Variants in ESPN observed in about 807,000 individuals in gnomAD.
ESPN encodes the protein autosomal recessive deafness type 36 protein.
A neutral mutation model predicts 77.7 loss-of-function variants in ESPN; 68 were observed. The ratio of observed to expected loss-of-function variants is 0.87; its 90% CI spans 0.72 to 1.07. The LOEUF (loss-of-function observed/expected upper bound fraction) is 1.07. Ranked by LOEUF, ESPN falls within the 50% of genes least tolerant of loss-of-function variation. The pLI, the probability that ESPN is intolerant of heterozygous loss-of-function variation, is 0.00. For synonymous variants in ESPN, 449 were observed against 567.1 expected, an observed-to-expected ratio of 0.79 and a Z score of 2.96; for missense variants, 1,060 against 1,239.0, an observed-to-expected ratio of 0.86 and a Z score of 2.17.
chr1:6,457,236 T>G lies in ESPN; in HGVS notation c.2378T>G (p.Leu793Arg), dbSNP rs536912280. Residue 793 changes from leucine (L) to arginine (R), a missense_variant, in exon 11 of 13, where the codon CTC becomes CGC. Physicochemically the swap from Leu to Arg is moderately radical, Grantham distance 102. This residue lies in a region of ESPN where 374 missense variants were observed against 381.4 expected (regional missense o/e 0.98). Transcript: ENST00000645284. Reference sequence around the variant, plus strand: ...AGCATGCCCGCCTGGAGGCGGGACCTCCTGCGGAAGAAGCTGGAAGAAGAG... The same window carrying G: ...AGCATGCCCGCCTGGAGGCGGGACCGCCTGCGGAAGAAGCTGGAAGAAGAG... ...LASMPAWRRD[L>R]LRKKLEEERE... 1 of 1,613,654 alleles carries G rather than the reference T, an allele frequency of 6.2e-7. No individual in the cohort carries two copies. The highest frequency in any genetic ancestry group is 1.7e-5 in the Admixed American group (1 of 59,980).
In ESPN at chr1:6,444,549, C is replaced by T. The variant is rs1315545566; in HGVS notation, c.1059C>T (p.Gly353=). The change falls in exon 6 of 13, where the codon GGC becomes GGT. Residue 353 remains glycine, a synonymous_variant. Coordinates refer to ENST00000645284, the MANE Select transcript of ESPN (RefSeq NM_031475.3). ...AELEAKQPDS[G]MSSPNTTVSV... Reference sequence around the variant, plus strand: ...TGGAGGCTAAGCAGCCGGATTCAGGCATGTCCTCACCCAATACCACGGTGT... The same window carrying T: ...TGGAGGCTAAGCAGCCGGATTCAGGTATGTCCTCACCCAATACCACGGTGT... 1.2e-6 allele frequency: 2 copies of T among 1,614,122 alleles called. No homozygotes were observed. The highest frequency in any genetic ancestry group is 1.3e-5 in the African/African-American group (1 of 74,946).
intron 2 of ESPN, among the ~76,000 whole-genome samples, chr1:6,435,694 G>A (rs917038524): frequency 1.3e-5 from 2 of 152,188 alleles, no homozygotes; most frequent in African/African-American, 2.4e-5. Flanking sequence ...TCCCCTCTAG[G>A]TAGTGTTCCC....
At chr1:6,438,327 C>T (rs753102431) in intron 2 of ESPN, among the ~76,000 whole-genome samples, 4 of 152,344 alleles carry the variant, frequency 2.6e-5, no homozygotes, top group African/African-American at 7.2e-5. Flanking sequence ...AATGGCTGTG[C>T]GCCAGGCACC....
rs1557708109 is a variant in ESPN at position 6,445,766 on chromosome 1, C to T, written c.1295C>T (p.Pro432Leu). Reference protein sequence around the residue: ...RGTIGKPTPPPPPPSFPPPPP... With the variant: ...RGTIGKPTPPLPPPSFPPPPP... Reference sequence around the variant, plus strand: ...ACGATTGGGAAGCCCACACCCCCACCACCCCCACCCAGCTTCCCCCCGCCA... The same window carrying T: ...ACGATTGGGAAGCCCACACCCCCACTACCCCCACCCAGCTTCCCCCCGCCA... The change falls in exon 7 of 13, where the codon CCA becomes CTA. Residue 432 changes from proline (P) to leucine (L), a missense_variant. Physicochemically the swap from Pro to Leu is moderately conservative, Grantham distance 98 (BLOSUM62 -3). Transcript: ENST00000645284. 6.7e-7 allele frequency: 1 copy of T among 1,484,464 alleles called. No individual in the cohort carries two copies. The highest frequency in any genetic ancestry group is 2.0e-5 in the Admixed American group (1 of 51,222). The allele number at this position is 1,484,464 out of a possible 1,614,324, so 92.0% of individuals were successfully genotyped here.
In ESPN at chr1:6,451,562, G is replaced by A. The variant is rs760707808; in HGVS notation, c.1916-41G>A. 6.2e-7 allele frequency: 1 copy of A among 1,602,382 alleles called. No homozygotes were observed. The highest frequency in any genetic ancestry group is 8.5e-7 in the Non-Finnish European group (1 of 1,174,418). ...GCGGGTGAGGGGTGGCGGGGATGCAGCCCCACCCTGGCCAGTGCCTCATCT... is the reference window on the plus strand; with the variant it reads ...GCGGGTGAGGGGTGGCGGGGATGCAACCCCACCCTGGCCAGTGCCTCATCT... On this transcript the variant is annotated intron_variant, in intron 8 of 12. Coordinates refer to ENST00000645284, the MANE Select transcript of ESPN (RefSeq NM_031475.3). The surrounding 1 kb of genome is among the most constrained non-coding windows in gnomAD (Gnocchi z 4.3).
chr1:6,460,036 C>T lies in ESPN; in HGVS notation c.2455C>T (p.Arg819Trp), dbSNP rs750909554. 19 of 1,613,540 alleles carry T rather than the reference C, an allele frequency of 1.2e-5. No homozygotes were observed. The South Asian group carries it at 1.6e-4, about 14-fold the overall frequency. The change falls in exon 13 of 13, where the codon CGG (arginine) becomes TGG (tryptophan). Residue 819 changes from arginine to tryptophan, a missense_variant. Arg to Trp is a moderately radical substitution (Grantham distance 101). Around this residue, in one of 3 missense-constraint regions of ESPN, gnomAD observed 374 missense variants for 381.4 expected, o/e 0.98. Coordinates refer to ENST00000645284, the MANE Select transcript of ESPN (RefSeq NM_031475.3). ...EERQKQEELR[R>W]EKEQSEKLRT... The stretch of plus-strand genomic sequence containing the variant: ...GCGACAGAAGCAGGAGGAGCTGCGG[C>T]GGGAGAAGGAACAGTCAGAGAAGCT...
chr1:6,448,660 A>T lies in ESPN; in HGVS notation c.1484A>T (p.His495Leu). The T allele has an allele frequency of 1.3e-6, 2 of 1,561,950 alleles. No individual in the cohort carries two copies. The highest frequency in any genetic ancestry group is 1.7e-6 in the Non-Finnish European group (2 of 1,165,264). The change falls in exon 8 of 13, where the codon CAC (histidine) becomes CTC (leucine). Residue 495 changes from histidine (H) to leucine (L), a missense_variant. This residue lies in a region of ESPN where 130 missense variants were observed against 223.9 expected (regional missense o/e 0.58). Coordinates refer to ENST00000645284, the MANE Select transcript of ESPN (RefSeq NM_031475.3). ...CCGCAGCTGAGCTCCTGTGACGGCCACGACGGGCTGCGGAGGCAGGACTCC... is the reference window on the plus strand; with the variant it reads ...CCGCAGCTGAGCTCCTGTGACGGCCTCGACGGGCTGCGGAGGCAGGACTCC... ...LKKELSSCDG[H>L]DGLRRQDSSR...
intron 1 of ESPN, among the ~76,000 whole-genome samples, chr1:6,426,726 C>T (rs1175767951): frequency 6.6e-6 from 1 of 152,148 alleles, no homozygotes; most frequent in African/African-American, 2.4e-5. Flanking sequence ...GAAGGGAGCG[C>T]CTTTCTCAGG....
In ESPN at chr1:6,445,484, G is replaced by C; in HGVS notation, c.1193-180G>C. 5.7e-6 allele frequency: 4 copies of C among 702,252 alleles called. No homozygotes were observed. The South Asian group carries it at 6.6e-5, about 12-fold the overall frequency. 43.5% of individuals were successfully genotyped at this position (702,252 alleles called of 1,614,324 possible). ...TTCCCCCAGTAAGTGCTGGGCTGGGGCAGGGTAGGGCCAGGGAGGGGAAGC... is the reference window on the plus strand; with the variant it reads ...TTCCCCCAGTAAGTGCTGGGCTGGGCCAGGGTAGGGCCAGGGAGGGGAAGC... On this transcript the variant is annotated intron_variant, in intron 6 of 12. Coordinates refer to ENST00000645284, the MANE Select transcript of ESPN (RefSeq NM_031475.3).
intron 12 of ESPN, among the ~76,000 whole-genome samples, chr1:6,457,714 A>G (rs1644081121): frequency 6.6e-6 from 1 of 152,244 alleles, no homozygotes; most frequent in African/African-American, 2.4e-5. Flanking sequence ...TGAGAGCCAC[A>G]GATGTAATTT....
Position 6,452,094 on chromosome 1 carries a change from A to C in ESPN, c.2323A>C (p.Lys775Gln). 6.5e-7 allele frequency: 1 copy of C among 1,541,910 alleles called. No individual in the cohort carries two copies. Among genetic ancestry groups the C allele is most frequent in the Non-Finnish European group, 8.7e-7 (1 of 1,144,190 alleles). The change falls in exon 10 of 13, where the codon AAG (lysine) becomes CAG (glutamine). Residue 775 changes from lysine to glutamine, a missense_variant and splice_region_variant. Lys to Gln is a moderately conservative substitution (Grantham distance 53). Around this residue, in one of 3 missense-constraint regions of ESPN, gnomAD observed 374 missense variants for 381.4 expected, o/e 0.98. Coordinates refer to ENST00000645284, the MANE Select transcript of ESPN (RefSeq NM_031475.3). Reference protein sequence around the residue: ...KMQEEEEQRRKEEEEEARLAS... With the variant: ...KMQEEEEQRRQEEEEEARLAS... The stretch of plus-strand genomic sequence containing the variant: ...GCAGGAGGAGGAGGAGCAGAGGCGG[A>C]AGGTGGGTGGGGCGGGGTGCCCAGG...
chr1:6,449,904 G>A (rs985428322), intron 8 of ESPN, among the ~76,000 whole-genome samples: 6 of 152,106 alleles, frequency 3.9e-5, no homozygotes, highest in Non-Finnish European at 5.9e-5. Flanking sequence ...GCCACTCAGG[G>A]CAGAGATCAT....
chr1:6,442,737 G>C (rs975406764), intron 5 of ESPN, among the ~76,000 whole-genome samples: 5 of 144,072 alleles, frequency 3.5e-5, no homozygotes, highest in Admixed American at 7.0e-5. Flanking sequence ...GCATGGTGGT[G>C]GGTGCCTGTT....
chr1:6,428,255 G>A lies in ESPN; in HGVS notation c.324G>A (p.Leu108=). 6.2e-7 allele frequency: 1 copy of A among 1,613,586 alleles called. No individual in the cohort carries two copies. ...QDKDNSGATV[L]HLAARFGHPE... ...AAGACAATTCTGGTGCCACAGTCTT[G>A]CATCTGGCTGCCCGCTTCGGCCACC... is the stretch of plus-strand genomic sequence containing the variant. Residue 108 remains leucine (L), a synonymous_variant, in exon 2 of 13, where the codon TTG becomes TTA. Transcript: ENST00000645284. The surrounding 1 kb of genome is among the most constrained non-coding windows in gnomAD (Gnocchi z 5.4).
Position 6,460,270 on chromosome 1 carries a change from TCCCTGACCCCCA to T in ESPN, c.*130_*141del. ...CCCTCCCCTCCTGCGCTGGAAACCC[TCCCTGACCCCCA>T]CCCTGGCCCCCCGTATCCCCAGCCC... On this transcript the variant is annotated 3_prime_UTR_variant, in exon 13 of 13. Transcript: ENST00000645284. 8.0e-7 allele frequency: 1 copy of T among 1,250,350 alleles called. No individual in the cohort carries two copies. Among genetic ancestry groups the T allele is most frequent in the Non-Finnish European group, 1.1e-6 (1 of 911,982 alleles). The allele number at this position is 1,250,350 out of a possible 1,614,324, so 77.5% of individuals were successfully genotyped here. A position where few individuals can be genotyped will look rare whatever the true frequency, so the allele number is the denominator to read the frequency against.
chr1:6,453,292 C>T (rs999025291), intron 10 of ESPN, among the ~76,000 whole-genome samples: 10 of 152,262 alleles, frequency 6.6e-5, no homozygotes, highest in African/African-American at 2.2e-4. Context: ...GACATGTGTG[C>T]GAGTCACCAA....
intron 2 of ESPN, among the ~76,000 whole-genome samples, chr1:6,431,048 C>A (rs975092391): frequency 2.0e-5 from 3 of 152,216 alleles, no homozygotes; most frequent in Non-Finnish European, 4.4e-5. Flanking sequence ...CTCTGTCCCC[C>A]TCACACCTGC....
At chr1:6,448,367 C>G (rs1228174720) in intron 7 of ESPN, 2 of 411,274 alleles carry the variant, frequency 4.9e-6, no homozygotes, top group African/African-American at 4.2e-5. Flanking sequence ...GCCCCTGGGC[C>G]CGCCTCTTCT....
chr1:6,461,011 C>G, downstream of ESPN: 3 of 393,804 alleles, frequency 7.6e-6, no homozygotes, highest in Admixed American at 1.1e-4. The surrounding 1 kb of genome is among the most constrained non-coding windows in gnomAD (Gnocchi z 6.3). Context: ...TCGGGAGGGG[C>G]AGGCTTGGGA....
Sources: allele counts gnomAD v4.1 joint callset (sites outside exome capture counted in the v4.1 genomes callset), GRCh38; gene constraint gnomAD v4.1.1; regional missense constraint gnomAD v4.1.1; non-coding constraint Gnocchi (gnomAD v3.1); transcripts MANE v1.5; gene names NCBI Gene and HGNC (gene_info 2026-07-23, HGNC 2026-07-21).